The following SLC12A3 variants were observed in gnomAD, a reference collection of about 807,000 sequenced individuals.
SLC12A3 encodes the protein solute carrier family 12 member 3, also known as Na-Cl cotransporter.
In SLC12A3, 104 loss-of-function variants were observed where a neutral mutation model predicts 121.0. The observed-to-expected ratio is 0.86, with a 90% confidence interval of 0.73 to 1.01. The LOEUF is 1.01. Among genes scored for constraint, SLC12A3 ranks in the 50% least tolerant of loss-of-function variants. SLC12A3 has a pLI of 0.00. For synonymous variants in SLC12A3, 536 were observed against 533.4 expected (o/e 1.00, Z -0.07); for missense variants, 1,328 against 1,356.3 (o/e 0.98, Z 0.33).
At position 56,887,050 on chromosome 16, in the gene SLC12A3, T is replaced by C; in HGVS notation, c.2135T>C (p.Val712Ala). 1.2e-6 allele frequency: 2 copies of C among 1,614,010 alleles called. No individual in the cohort carries two copies. The highest frequency in any genetic ancestry group is 1.7e-6 in the Non-Finnish European group (2 of 1,180,028). Residue 712 changes from valine (V) to alanine (A), a missense_variant, in exon 17 of 26, where the codon GTC (valine) becomes GCC (alanine). Transcript: ENST00000563236. ...AAGATCAAGGCCTTCTACTCGGATG[T>C]CATTGCCGAGGACCTCCGCAGAGGC... ...KRKIKAFYSD[V>A]IAEDLRRGVQ... is the part of the protein sequence containing the mutation.
intron 22 of SLC12A3, among the ~76,000 whole-genome samples, chr16:56,895,702 G>A (rs1377386787): frequency 6.6e-6 from 1 of 151,936 alleles, no homozygotes; most frequent in African/African-American, 2.4e-5. Context: ...GGGGGAGAGT[G>A]GTGGTTTTGG....
chr16:56,901,537 G>A (rs772978612), intron 23 of SLC12A3, among the ~76,000 whole-genome samples: 22 of 151,898 alleles, frequency 1.4e-4, no homozygotes, highest in Non-Finnish European at 2.6e-4. Flanking sequence ...ACAGCATTTC[G>A]TCAGGTTGGC....
chr16:56,872,876 T>TA, intron 8 of SLC12A3, 90 bp downstream of exon 8: 2 of 1,548,134 alleles, frequency 1.3e-6, no homozygotes, highest in Non-Finnish European at 1.8e-6. Context: ...CATCTGCCGC[T>TA]GACCTGGGAG....
At chr16:56,884,631 C>A (rs2055286656) in intron 14 of SLC12A3, among the ~76,000 whole-genome samples, 1 of 152,202 alleles carries the variant, frequency 6.6e-6, no homozygotes. Flanking sequence ...GGCAGGGACC[C>A]TGGGGTGGCA....
chr16:56,869,899 C>T lies in SLC12A3; in HGVS notation c.601+75C>T, dbSNP rs1002040504. On this transcript the variant is annotated intron_variant, in intron 4 of 25. Coordinates refer to ENST00000563236, the MANE Select transcript of SLC12A3 (RefSeq NM_001126108.2). ...CCTGGGAACAGGACTCCCAACTTCCCCAACCCAATGGTACACCCAGCCGCT... is the reference window on the plus strand; with the variant it reads ...CCTGGGAACAGGACTCCCAACTTCCTCAACCCAATGGTACACCCAGCCGCT... 16 of 1,447,746 alleles carry T rather than the reference C, an allele frequency of 1.1e-5. No individual in the cohort carries two copies. The African/African-American group carries it at 2.1e-4, about 19-fold the overall frequency. 89.7% of individuals were successfully genotyped at this position (1,447,746 alleles called of 1,614,324 possible).
At position 56,886,388 on chromosome 16, in the gene SLC12A3, G is replaced by C; in HGVS notation, c.1950G>C (p.Gly650=). ...GCCCCCAGTGCCTGGTGCTCACGGG[G>C]CCCCCCAACTTCCGCCCGGCCCTGG... ...NYRPQCLVLT[G]PPNFRPALVD... The change falls in exon 16 of 26, where the codon GGG becomes GGC. Residue 650 remains glycine (G), a synonymous_variant. Coordinates refer to ENST00000563236, the MANE Select transcript of SLC12A3 (RefSeq NM_001126108.2). 1 of 1,613,964 alleles carries C rather than the reference G, an allele frequency of 6.2e-7. No homozygotes were observed. Among genetic ancestry groups the C allele is most frequent in the South Asian group, 1.1e-5 (1 of 91,078 alleles).
rs71387143 is a variant in SLC12A3 at position 56,884,247 on chromosome 16, G to A, written c.1825+43G>A. ...GGGGCCTCGGCCCTCCTCCCCCAGG[G>A]TAGCCATGCAGGCGGCCCTGCCCTC... On this transcript the variant is annotated intron_variant, in intron 14 of 25. Coordinates refer to ENST00000563236, the MANE Select transcript of SLC12A3 (RefSeq NM_001126108.2). The A allele has an allele frequency of 0.018, 28,683 of 1,610,232 alleles. 550 individuals carry two copies. Among genetic ancestry groups the A allele is most frequent in the African/African-American group, 0.079 (5,920 of 74,944 alleles).
At chr16:56,878,534 C>T (rs1240301877) in intron 9 of SLC12A3, among the ~76,000 whole-genome samples, 1 of 152,100 alleles carries the variant, frequency 6.6e-6, no homozygotes, top group Non-Finnish European at 1.5e-5. Flanking sequence ...CCTTTGCATG[C>T]CAGTCCTATC....
intron 2 of SLC12A3, among the ~76,000 whole-genome samples, chr16:56,867,444 C>T (rs1964385218): frequency 6.6e-6 from 1 of 152,176 alleles, no homozygotes; most frequent in Admixed American, 6.5e-5. Flanking sequence ...GCACTAAACA[C>T]ACAAATCCGT....
chr16:56,891,187 A>T (rs918304511), intron 19 of SLC12A3, among the ~76,000 whole-genome samples: 1 of 151,746 alleles, frequency 6.6e-6, no homozygotes, highest in Non-Finnish European at 1.5e-5. Context: ...CAGCCTGGGT[A>T]ACATAGCAAG....
intron 17 of SLC12A3, 127 bp from the exon 18 acceptor site, chr16:56,887,798 A>ATATATATATATATATATATATATAT (rs1433682477): frequency 2.9e-5 from 2 of 68,456 alleles, no homozygotes; most frequent in Non-Finnish European, 2.9e-5. Context: ...ATATATATAT[A>ATATATATATATATATATATATATAT]TTTTTTTTTT....
At position 56,879,933 on chromosome 16, in the gene SLC12A3, C is replaced by T. The variant is rs560656111; in HGVS notation, c.1444-197C>T. Among the ~76,000 whole-genome samples the T allele has an allele frequency of 2.0e-5, 3 of 152,272 alleles. No homozygotes were observed. In the South Asian group the frequency reaches 6.2e-4, roughly 32 times the overall value. ...TACCCGAAGCCATCCATCCCCCAGT[C>T]ATGCTCTTTTACTGTCTTTATGGTA... On this transcript the variant is annotated intron_variant, in intron 11 of 25. Transcript: ENST00000563236.
At chr16:56,878,256 G>T in intron 9 of SLC12A3, 95 bp downstream of exon 9, 2 of 958,270 alleles carry the variant, frequency 2.1e-6, no homozygotes, top group East Asian at 2.4e-5. Context: ...ATCAGAGGGT[G>T]GGGTTCGACT....
rs1393935386 is a variant in SLC12A3 at position 56,873,458 on chromosome 16, C to T, written c.1095+672C>T. 2.3e-5 allele frequency among the ~76,000 whole-genome samples: 3 copies of T among 132,762 alleles called. No homozygotes were observed. The East Asian group carries it at 7.1e-4, about 32-fold the overall frequency. 87.1% of individuals were successfully genotyped at this position (132,762 alleles called of 152,430 possible). ...CTGGAGTGCAATGGCATGATCTTGG[C>T]TCACTGCAACCTCCGCCTCCCGGGT... On this transcript the variant is annotated intron_variant, in intron 8 of 25. Coordinates refer to ENST00000563236, the MANE Select transcript of SLC12A3 (RefSeq NM_001126108.2).
intron 8 of SLC12A3, among the ~76,000 whole-genome samples, chr16:56,873,120 A>G (rs566908591): frequency 1.2e-4 from 18 of 152,278 alleles, no homozygotes; most frequent in African/African-American, 4.3e-4. Context: ...CTGGGCTGAC[A>G]TCCTCCCAGG....
intron 23 of SLC12A3, among the ~76,000 whole-genome samples, chr16:56,900,547 A>AT (rs1476086561): frequency 2.0e-5 from 3 of 151,612 alleles, no homozygotes; most frequent in African/African-American, 7.3e-5. Context: ...TTATTTATTT[A>AT]TGAGATAGAG....
chr16:56,877,934 A>G, intron 8 of SLC12A3, 143 bp from the exon 9 acceptor site: 1 of 614,888 alleles, frequency 1.6e-6, no homozygotes, highest in Non-Finnish European at 2.9e-6. Flanking sequence ...CTGAGGGGCC[A>G]AGGTCAGAGG....
intron 14 of SLC12A3, 123 bp downstream of exon 14, chr16:56,884,327 G>A: frequency 2.0e-6 from 2 of 988,438 alleles, no homozygotes; most frequent in South Asian, 1.4e-5. Flanking sequence ...GCCCCTCTCT[G>A]CCCCTCCCCT....
chr16:56,882,849 G>A (rs1170301055), intron 13 of SLC12A3, among the ~76,000 whole-genome samples: 1 of 152,060 alleles, frequency 6.6e-6, no homozygotes, highest in Non-Finnish European at 1.5e-5. Context: ...GGCTGAGGCA[G>A]GAGAATCACT....
Sources: allele counts gnomAD v4.1 joint callset (sites outside exome capture counted in the v4.1 genomes callset), GRCh38; gene constraint gnomAD v4.1.1; transcripts MANE v1.5; gene names NCBI Gene and HGNC (gene_info 2026-07-23, HGNC 2026-07-21).